Variants in SAMD5 observed in about 807,000 individuals in gnomAD.
SAMD5 encodes the protein sterile alpha motif domain-containing protein 5.
SAMD5 carries 13 observed loss-of-function variants against 11.3 expected under a neutral mutation model. That is an observed-to-expected ratio of 1.15 (90% CI 0.75 to 1.83). The LOEUF (loss-of-function observed/expected upper bound fraction) is 1.83. Among genes scored for constraint, SAMD5 ranks in the 40% most tolerant of loss-of-function variants. SAMD5 has a pLI of 0.00. For synonymous variants in SAMD5, 129 were observed against 111.3 expected, an observed-to-expected ratio of 1.16 and a Z score of -1.00; for missense variants, 255 against 239.1, an observed-to-expected ratio of 1.07 and a Z score of -0.44.
intron 1 of SAMD5, among the ~76,000 whole-genome samples, chr6:147,641,818 A>C (rs1057339762): frequency 1.2e-4 from 19 of 152,126 alleles, no homozygotes; most frequent in African/African-American, 4.6e-4. Flanking sequence ...TTAACTTTTA[A>C]TGTTTTGAAG....
chr6:147,534,324 T>G (rs1256723110), intron 1 of SAMD5, among the ~76,000 whole-genome samples: 1 of 152,074 alleles, frequency 6.6e-6, no homozygotes, highest in Non-Finnish European at 1.5e-5. Context: ...TGAAGCAAAA[T>G]CTCATGTGAA....
At chr6:147,716,151 C>T (rs1216736300) in intron 1 of SAMD5, among the ~76,000 whole-genome samples, 1 of 152,168 alleles carries the variant, frequency 6.6e-6, no homozygotes, top group Non-Finnish European at 1.5e-5. Context: ...CAAAGGGTGC[C>T]TGCAGGCCAG....
At chr6:147,707,613 ACATT>A (rs1791341631) in intron 1 of SAMD5, among the ~76,000 whole-genome samples, 1 of 152,062 alleles carries the variant, frequency 6.6e-6, no homozygotes, top group African/African-American at 2.4e-5. Flanking sequence ...GTTACTAGAG[ACATT>A]CATTCAGAGT....
chr6:147,839,041 G>A, the SAMD5 span, among the ~76,000 whole-genome samples: 2 of 152,192 alleles, frequency 1.3e-5, no homozygotes, highest in African/African-American at 4.8e-5. Context: ...TTCTAAAGTA[G>A]TTCAAATGTT....
At chr6:147,545,025 G>T (rs1220061835) in intron 1 of SAMD5, among the ~76,000 whole-genome samples, 8 of 152,092 alleles carry the variant, frequency 5.3e-5, no homozygotes, top group Non-Finnish European at 8.8e-5. Flanking sequence ...TTTTAATGGG[G>T]CCAGTGCAGT....
At chr6:147,803,424 G>A in the SAMD5 span, among the ~76,000 whole-genome samples, 1 of 152,064 alleles carries the variant, frequency 6.6e-6, no homozygotes, top group African/African-American at 2.4e-5. Flanking sequence ...CCTGCCTCTA[G>A]TCAGTTCTTT....
chr6:147,633,279 C>T (rs1223673390), intron 1 of SAMD5, among the ~76,000 whole-genome samples: 1 of 152,156 alleles, frequency 6.6e-6, no homozygotes, highest in African/African-American at 2.4e-5. Context: ...GAATTACAAG[C>T]CACGTGCTTT....
chr6:147,713,019 G>C (rs1008438158), intron 1 of SAMD5, among the ~76,000 whole-genome samples: 2 of 152,128 alleles, frequency 1.3e-5, no homozygotes, highest in Non-Finnish European at 2.9e-5. Flanking sequence ...CAGCAAAAAT[G>C]AAACAAAAGA....
rs1217123412 is a variant in SAMD5 at position 147,616,271 on chromosome 6, ATATT to A, written c.162+106889_162+106892del. Among the ~76,000 whole-genome samples, 25 of 139,276 alleles carry A rather than the reference ATATT, an allele frequency of 1.8e-4. 1 individual carries two copies. Among genetic ancestry groups the A allele is most frequent in the African/African-American group, 7.3e-4 (24 of 32,844 alleles). 91.4% of individuals were successfully genotyped at this position (139,276 alleles called of 152,430 possible). A position where few individuals can be genotyped will look rare whatever the true frequency, so the allele number is the denominator to read the frequency against. On this transcript the variant is annotated intron_variant, in intron 1 of 1. Transcript: ENST00000566741. The stretch of plus-strand genomic sequence containing the variant: ...ATATTTATTCATATATATTTCATAT[ATATT>A]TATTCATATATACTTCATATATATT...
At chr6:147,662,999 G>C (rs1393465782) in intron 1 of SAMD5, among the ~76,000 whole-genome samples, 1 of 152,096 alleles carries the variant, frequency 6.6e-6, no homozygotes, top group East Asian at 1.9e-4. Flanking sequence ...AGAATATTTT[G>C]TAAAAGCAAT....
At chr6:147,510,366 CTTGA>C (rs1788069976) in intron 1 of SAMD5, among the ~76,000 whole-genome samples, 1 of 152,180 alleles carries the variant, frequency 6.6e-6, no homozygotes, top group Admixed American at 6.5e-5. Flanking sequence ...AGGGTCCTGA[CTTGA>C]TAGAGAAGTA....
the SAMD5 span, among the ~76,000 whole-genome samples, chr6:147,951,309 G>GAA: frequency 6.6e-6 from 1 of 151,646 alleles, no homozygotes; most frequent in African/African-American, 2.4e-5. Context: ...AGCCTCCCAC[G>GAA]TAGCTGGGAC....
At chr6:147,551,154 G>A (rs1429889547) in intron 1 of SAMD5, among the ~76,000 whole-genome samples, 1 of 152,190 alleles carries the variant, frequency 6.6e-6, no homozygotes, top group East Asian at 1.9e-4. Flanking sequence ...GTTGTTAGGT[G>A]CCAGGAGAAA....
At chr6:147,858,694 A>G in the SAMD5 span, among the ~76,000 whole-genome samples, 2 of 152,212 alleles carry the variant, frequency 1.3e-5, no homozygotes, top group Non-Finnish European at 2.9e-5. Flanking sequence ...CAGGCCTTAG[A>G]AATATTTAAG....
chr6:147,588,670 T>G (rs913389873), intron 1 of SAMD5, among the ~76,000 whole-genome samples: 4 of 151,128 alleles, frequency 2.6e-5, no homozygotes, highest in Non-Finnish European at 5.9e-5. Context: ...ATAAAATGTG[T>G]TTTTTTTTAC....
the SAMD5 span, among the ~76,000 whole-genome samples, chr6:147,809,846 C>T: frequency 6.6e-6 from 1 of 152,212 alleles, no homozygotes; most frequent in Non-Finnish European, 1.5e-5. Context: ...CTCCATCCCC[C>T]AGGATAGCTA....
At chr6:147,773,904 A>G in the SAMD5 span, among the ~76,000 whole-genome samples, 1 of 152,126 alleles carries the variant, frequency 6.6e-6, no homozygotes, top group Non-Finnish European at 1.5e-5. Context: ...GTGCAGTGGC[A>G]TGATCACAGC....
intron 1 of SAMD5, among the ~76,000 whole-genome samples, chr6:147,585,940 T>A (rs1311524403): frequency 6.6e-6 from 1 of 152,154 alleles, no homozygotes; most frequent in African/African-American, 2.4e-5. Flanking sequence ...AAGGTTGTAA[T>A]TTAAATCAAA....
At chr6:147,907,067 C>T in the SAMD5 span, among the ~76,000 whole-genome samples, 1 of 152,232 alleles carries the variant, frequency 6.6e-6, no homozygotes, top group Non-Finnish European at 1.5e-5. Flanking sequence ...GCACCTTCTT[C>T]ACAGAAAGTC....
Sources: allele counts gnomAD v4.1 joint callset (sites outside exome capture counted in the v4.1 genomes callset), GRCh38; gene constraint gnomAD v4.1.1; transcripts MANE v1.5; gene names NCBI Gene and HGNC (gene_info 2026-07-23, HGNC 2026-07-21).